RPRD1A: variants seen among roughly 807,000 people sequenced by gnomAD.
RPRD1A encodes the protein regulation of nuclear pre-mRNA domain-containing protein 1A.
RPRD1A carries 9 observed loss-of-function variants against 37.8 expected under a neutral mutation model. The ratio of observed to expected loss-of-function variants is 0.24; its 90% CI spans 0.14 to 0.42. The LOEUF (loss-of-function observed/expected upper bound fraction) is 0.42, where lower values mean the gene tolerates loss of function less well. Among genes scored for constraint, RPRD1A ranks in the 10% least tolerant of loss-of-function variants. RPRD1A has a pLI of 1.00. For missense variants in RPRD1A, 255 were observed against 371.0 expected (o/e 0.69, Z 2.57); for synonymous variants, 138 against 139.7 (o/e 0.99, Z 0.08).
chr18:35,993,942 G>A (rs183590887), intron 6 of RPRD1A, among the ~76,000 whole-genome samples: 2 of 152,166 alleles, frequency 1.3e-5, no homozygotes, highest in African/African-American at 2.4e-5. Context: ...CTTCTTATGC[G>A]TGGAGGACTG....
intron 6 of RPRD1A, among the ~76,000 whole-genome samples, chr18:36,009,914 C>G (rs1439222098): frequency 6.6e-6 from 1 of 152,208 alleles, no homozygotes; most frequent in Non-Finnish European, 1.5e-5. Flanking sequence ...CTCTCAACCC[C>G]TGCATTTCAT....
chr18:36,018,440 A>T (rs559979193), intron 6 of RPRD1A, among the ~76,000 whole-genome samples: 1 of 151,594 alleles, frequency 6.6e-6, no homozygotes, highest in South Asian at 2.1e-4. Context: ...CGCCCAACTA[A>T]TTTTTTCTAT....
intron 1 of RPRD1A, among the ~76,000 whole-genome samples, chr18:36,039,132 G>A (rs1912405229): frequency 6.6e-6 from 1 of 152,086 alleles, no homozygotes; most frequent in South Asian, 2.1e-4. Flanking sequence ...GGCCGGGGTG[G>A]AATGATATGG....
chr18:36,028,546 T>C (rs1248957397), intron 4 of RPRD1A, among the ~76,000 whole-genome samples: 1 of 152,214 alleles, frequency 6.6e-6, no homozygotes, highest in South Asian at 2.1e-4. Context: ...GTCTTGGCAA[T>C]GCATTGATGC....
chr18:36,024,346 G>A (rs1911215788), intron 6 of RPRD1A, among the ~76,000 whole-genome samples: 1 of 149,438 alleles, frequency 6.7e-6, no homozygotes, highest in East Asian at 2.0e-4. Flanking sequence ...AGTAGAGATG[G>A]GGTTTCACCA....
intron 6 of RPRD1A, among the ~76,000 whole-genome samples, chr18:36,010,003 T>C (rs556467274): frequency 7.9e-5 from 12 of 152,286 alleles, no homozygotes; most frequent in African/African-American, 2.6e-4. Flanking sequence ...TCAACAGACA[T>C]GTAATGTAGT....
In RPRD1A at chr18:36,031,057, A is replaced by G. The variant is rs1911747049; in HGVS notation, c.322T>C (p.Leu108=). ...ACAGACCTTTCTTCCCAAATAGATA[A>G]CACTCTTCCAAGGTGCTTCTTACAA... The part of the protein sequence containing the change: ...ESCKKHLGRV[L]SIWEERSVYE... The change falls in exon 3 of 7, where the codon TTA becomes CTA. Residue 108 remains leucine, a synonymous_variant. Transcript: ENST00000399022. 6.3e-7 allele frequency: 1 copy of G among 1,591,394 alleles called. No homozygotes were observed.
chr18:36,049,432 C>G (rs551998085), intron 1 of RPRD1A, among the ~76,000 whole-genome samples: 1 of 144,712 alleles, frequency 6.9e-6, no homozygotes, highest in Non-Finnish European at 1.6e-5. Context: ...ATTTTTGACC[C>G]CCCCCACCAA....
chr18:36,064,777 G>A (rs1281229859), intron 1 of RPRD1A, among the ~76,000 whole-genome samples: 1 of 152,174 alleles, frequency 6.6e-6, no homozygotes, highest in African/African-American at 2.4e-5. Context: ...TGCTGTTGAA[G>A]ATTTGTTCTT....
chr18:36,061,899 G>A (rs1472666266), intron 1 of RPRD1A, among the ~76,000 whole-genome samples: 1 of 152,266 alleles, frequency 6.6e-6, no homozygotes, highest in Non-Finnish European at 1.5e-5. Flanking sequence ...AGTCATCTGG[G>A]AAATGCATAT....
chr18:36,008,577 G>GTGTGTATGTATATATATATATA, intron 6 of RPRD1A, among the ~76,000 whole-genome samples: 3 of 47,796 alleles, frequency 6.3e-5, no homozygotes, highest in Non-Finnish European at 1.3e-4. Flanking sequence ...CCTTGTGTGT[G>GTGTGTATGTATATATATATATA]TATATATATA....
intron 6 of RPRD1A, chr18:36,025,334 T>C (rs767365639): frequency 3.4e-5 from 10 of 292,660 alleles, no homozygotes; most frequent in African/African-American, 8.8e-5. Context: ...CCTAGAATAG[T>C]ACCTGACACA....
intron 6 of RPRD1A, among the ~76,000 whole-genome samples, chr18:36,008,713 T>C (rs531574850): frequency 1.3e-5 from 2 of 151,546 alleles, no homozygotes; most frequent in Non-Finnish European, 2.9e-5. Flanking sequence ...TTTTCATATA[T>C]ATTTAGGAAT....
intron 1 of RPRD1A, among the ~76,000 whole-genome samples, chr18:36,042,343 A>AT (rs1912641644): frequency 6.6e-6 from 1 of 152,212 alleles, no homozygotes; most frequent in African/African-American, 2.4e-5. Flanking sequence ...GAGAGCAATG[A>AT]CTGTCAAATC....
chr18:36,047,123 G>A (rs1030177542), intron 1 of RPRD1A, among the ~76,000 whole-genome samples: 10 of 151,922 alleles, frequency 6.6e-5, no homozygotes, highest in African/African-American at 2.4e-4. Context: ...CAGGAGGCTC[G>A]CTTGAGCCCA....
intron 1 of RPRD1A, 48 bp from the exon 2 acceptor site, chr18:36,033,885 G>C (rs1458222514): frequency 6.6e-7 from 1 of 1,513,550 alleles, no homozygotes; most frequent in Admixed American, 1.9e-5. Context: ...ATCTTTACTT[G>C]GACAAACTTT....
At chr18:36,025,245 T>C (rs182824990) in intron 6 of RPRD1A, 21 of 156,910 alleles carry the variant, frequency 1.3e-4, no homozygotes, top group African/African-American at 4.6e-4. Flanking sequence ...TTAATCTTCC[T>C]GTGCCTCAGT....
chr18:36,035,197 T>C (rs572687165), intron 1 of RPRD1A, among the ~76,000 whole-genome samples: 138 of 152,300 alleles, frequency 9.1e-4, no homozygotes, highest in Admixed American at 2.5e-3. Flanking sequence ...ACAAAATAGA[T>C]TGGTATTGTT....
At chr18:36,020,724 G>C (rs1004995163) in intron 6 of RPRD1A, among the ~76,000 whole-genome samples, 2 of 152,056 alleles carry the variant, frequency 1.3e-5, no homozygotes, top group Non-Finnish European at 2.9e-5. Context: ...TAGCTACTTG[G>C]GAGGCTGAGG....
Sources: allele counts gnomAD v4.1 joint callset (sites outside exome capture counted in the v4.1 genomes callset), GRCh38; gene constraint gnomAD v4.1.1; transcripts MANE v1.5; gene names NCBI Gene and HGNC (gene_info 2026-07-23, HGNC 2026-07-21).